Variants in ENOX1 observed in about 807,000 individuals in gnomAD.
ENOX1 encodes the protein ecto-NOX disulfide-thiol exchanger 1.
Under a neutral mutation model 82.5 loss-of-function variants are expected in ENOX1, and 42 were observed. That is an observed-to-expected ratio of 0.51 (90% CI 0.40 to 0.66). The LOEUF (loss-of-function observed/expected upper bound fraction) is 0.66. ENOX1 is among the 30% of genes least tolerant of loss of function. ENOX1 has a pLI of 0.00. For missense variants in ENOX1, 608 were observed against 811.6 expected (o/e 0.75, Z 3.05); for synonymous variants, 271 against 282.2 (o/e 0.96, Z 0.40).
At position 43,356,127 on chromosome 13, in the gene ENOX1, G is replaced by A. The variant is rs779765900; in HGVS notation, c.615C>T (p.Ser205=). ...LSGYRMRLGS[S]TDKKDSGRLH... Reference sequence around the variant, plus strand: ...GGCGGCCTGAATCCTTTTTGTCGGTGCTAGACCCTAATCGCATCCTATAAC... The same window carrying A: ...GGCGGCCTGAATCCTTTTTGTCGGTACTAGACCCTAATCGCATCCTATAAC... The change falls in exon 8 of 17, where the codon AGC becomes AGT. Residue 205 remains serine, a synonymous_variant. Coordinates refer to ENST00000690772, the MANE Select transcript of ENOX1 (RefSeq NM_001347969.2). 9 of 1,614,044 alleles carry A rather than the reference G, an allele frequency of 5.6e-6. 1 individual carries two copies. The highest frequency in any genetic ancestry group is 1.7e-5 in the Admixed American group (1 of 60,008).
chr13:43,290,423 A>G (rs1593736247), intron 12 of ENOX1, among the ~76,000 whole-genome samples: 1 of 152,216 alleles, frequency 6.6e-6, no homozygotes. Flanking sequence ...ACAACCATAA[A>G]AAAGAATGAA....
At chr13:43,366,222 A>G (rs895094331) in intron 5 of ENOX1, among the ~76,000 whole-genome samples, 2 of 152,310 alleles carry the variant, frequency 1.3e-5, no homozygotes, top group African/African-American at 4.8e-5. Flanking sequence ...TGAACATTTT[A>G]AAAAAGGTGA....
intron 2 of ENOX1, among the ~76,000 whole-genome samples, chr13:43,566,720 T>C (rs1182862157): frequency 2.0e-5 from 3 of 151,926 alleles, no homozygotes; most frequent in Non-Finnish European, 4.4e-5. Context: ...GAGAGATGAA[T>C]GATTGTAAGA....
intron 2 of ENOX1, among the ~76,000 whole-genome samples, chr13:43,557,111 G>A (rs2079475249): frequency 6.6e-6 from 1 of 152,208 alleles, no homozygotes. Context: ...CAACACGCAG[G>A]AAAGACAGTG....
chr13:43,544,695 G>A (rs1006520426), intron 2 of ENOX1: 5 of 152,046 alleles, frequency 3.3e-5, no homozygotes, highest in African/African-American at 9.7e-5. Context: ...CAAGAGAACC[G>A]CCTATCTCCC....
At chr13:43,243,442 T>C (rs1442436710) in intron 14 of ENOX1, among the ~76,000 whole-genome samples, 2 of 152,196 alleles carry the variant, frequency 1.3e-5, no homozygotes, top group African/African-American at 4.8e-5. Context: ...TGCTCTACTC[T>C]CGGTTCTACG....
At chr13:43,675,069 G>A (rs942501852) in intron 1 of ENOX1, among the ~76,000 whole-genome samples, 3 of 152,160 alleles carry the variant, frequency 2.0e-5, no homozygotes, top group African/African-American at 4.8e-5. Flanking sequence ...AAAGCACCAA[G>A]AAGCCACTGA....
intron 14 of ENOX1, among the ~76,000 whole-genome samples, chr13:43,244,163 C>T (rs1593497128): frequency 6.6e-6 from 1 of 150,832 alleles, no homozygotes; most frequent in Admixed American, 6.7e-5. Context: ...CAGGGCATTT[C>T]TCTAAGCCTT....
chr13:43,500,853 G>T (rs1373794225), intron 2 of ENOX1, among the ~76,000 whole-genome samples: 1 of 151,746 alleles, frequency 6.6e-6, no homozygotes, highest in East Asian at 1.9e-4. Context: ...TGTTATTGAA[G>T]ATATGTTATC....
At chr13:43,460,830 ATAG>A (rs1188750146) in intron 3 of ENOX1, among the ~76,000 whole-genome samples, 6 of 20,240 alleles carry the variant, frequency 3.0e-4, no homozygotes, top group South Asian at 5.6e-3. Flanking sequence ...AAAAAAAAAA[ATAG>A]GGATAGCTCT....
intron 5 of ENOX1, among the ~76,000 whole-genome samples, chr13:43,407,780 C>G (rs2053887019): frequency 6.6e-6 from 1 of 152,050 alleles, no homozygotes; most frequent in Admixed American, 6.5e-5. Context: ...TACCTTACAA[C>G]AGTGGAACAC....
At chr13:43,666,349 T>C (rs1257781135) in intron 2 of ENOX1, among the ~76,000 whole-genome samples, 1 of 152,204 alleles carries the variant, frequency 6.6e-6, no homozygotes, top group African/African-American at 2.4e-5. Context: ...CTCATACATA[T>C]GAATGTGACA....
chr13:43,492,402 G>T (rs1206914934), intron 2 of ENOX1, among the ~76,000 whole-genome samples: 1 of 152,134 alleles, frequency 6.6e-6, no homozygotes, highest in African/African-American at 2.4e-5. Flanking sequence ...AATTAAAATA[G>T]GGGGTCAGGC....
intron 2 of ENOX1, among the ~76,000 whole-genome samples, chr13:43,570,911 C>G (rs987507413): frequency 5.9e-5 from 9 of 152,148 alleles, no homozygotes; most frequent in Non-Finnish European, 1.3e-4. Flanking sequence ...GTTCCATAAT[C>G]CCTTTTGTTG....
intron 15 of ENOX1, among the ~76,000 whole-genome samples, chr13:43,228,563 C>T (rs909103073): frequency 2.6e-5 from 4 of 152,180 alleles, no homozygotes; most frequent in African/African-American, 9.7e-5. Context: ...AAATTGGCTA[C>T]CCAAAAGCAC....
chr13:43,547,239 G>C (rs2079011117), intron 2 of ENOX1: 1 of 152,150 alleles, frequency 6.6e-6, no homozygotes, highest in African/African-American at 2.4e-5. Flanking sequence ...ATGAAGAAAG[G>C]TTTCTCCAAC....
chr13:43,486,353 G>C (rs376993551), intron 2 of ENOX1, among the ~76,000 whole-genome samples: 1 of 151,936 alleles, frequency 6.6e-6, no homozygotes, highest in Non-Finnish European at 1.5e-5. Context: ...CACTGCACTC[G>C]GGCCTGGGCA....
chr13:43,257,942 G>A (rs564557726), intron 14 of ENOX1, among the ~76,000 whole-genome samples: 2 of 152,296 alleles, frequency 1.3e-5, no homozygotes, highest in South Asian at 4.1e-4. Flanking sequence ...TGGCCTGGAG[G>A]AAGAAGGTAT....
chr13:43,285,555 G>A (rs1027619273), intron 12 of ENOX1, among the ~76,000 whole-genome samples: 2 of 152,064 alleles, frequency 1.3e-5, no homozygotes, highest in South Asian at 2.1e-4. Flanking sequence ...AGTCATATAA[G>A]AAGGATTTTT....
Sources: allele counts gnomAD v4.1 joint callset (sites outside exome capture counted in the v4.1 genomes callset), GRCh38; gene constraint gnomAD v4.1.1; transcripts MANE v1.5; gene names NCBI Gene and HGNC (gene_info 2026-07-23, HGNC 2026-07-21).